Variants in ABCB11 observed in about 807,000 individuals in gnomAD.
The protein encoded by ABCB11 is ATP binding cassette subfamily B member 11, also known as bile salt export pump.
Under a neutral mutation model 148.0 loss-of-function variants are expected in ABCB11, and 95 were observed. That is an observed-to-expected ratio of 0.64 (90% confidence interval 0.54 to 0.76). The LOEUF (loss-of-function observed/expected upper bound fraction) is 0.76, where lower values mean the gene tolerates loss of function less well. Ranked by LOEUF, ABCB11 falls within the 30% of genes least tolerant of loss-of-function variation. ABCB11 has a pLI of 0.00. For missense variants in ABCB11, 1,523 were observed against 1,617.8 expected (o/e 0.94, Z 1.01); for synonymous variants, 591 against 555.4 (o/e 1.06, Z -0.90).
intron 5 of ABCB11, among the ~76,000 whole-genome samples, chr2:169,000,277 A>C (rs945644641): frequency 3.3e-5 from 5 of 152,088 alleles, no homozygotes; most frequent in African/African-American, 1.2e-4. Flanking sequence ...TTCTCTTAAC[A>C]GGATCTTTTA....
intron 5 of ABCB11, among the ~76,000 whole-genome samples, chr2:169,012,932 C>A (rs954346804): frequency 6.6e-6 from 1 of 151,900 alleles, no homozygotes; most frequent in Non-Finnish European, 1.5e-5. Context: ...AAATAGAACT[C>A]TTGGAGATGA....
rs145003664 is a variant in ABCB11, at chr2:168,939,563, A to G, written c.2611-3130T>C. ...AAGTTTTGAATTTATGAAGTCCAACATGTCTACTTTGTAGTTTTGAGTTTT... is the reference window on the plus strand; with the variant it reads ...AAGTTTTGAATTTATGAAGTCCAACGTGTCTACTTTGTAGTTTTGAGTTTT... On this transcript the variant is annotated intron_variant, in intron 21 of 27. Transcript: ENST00000650372. 1.1e-4 allele frequency among the ~76,000 whole-genome samples: 17 copies of G among 152,212 alleles called. No individual in the cohort carries two copies. In the East Asian group the frequency reaches 3.1e-3, roughly 28 times the overall value.
At chr2:168,983,783 CA>C (rs990704204) in intron 10 of ABCB11, among the ~76,000 whole-genome samples, 3 of 151,866 alleles carry the variant, frequency 2.0e-5, no homozygotes, top group African/African-American at 7.2e-5. Context: ...TTCTGGTATA[CA>C]AGGTTTTGAT....
At chr2:168,978,670 T>A (rs1574461092) in intron 11 of ABCB11, among the ~76,000 whole-genome samples, 1 of 144,082 alleles carries the variant, frequency 6.9e-6, no homozygotes, top group Non-Finnish European at 1.5e-5. Context: ...TTTTTTTTTT[T>A]AAAGAGAAAG....
In ABCB11 at chr2:168,996,620, G is replaced by T; in HGVS notation, c.477+15C>A. ...TCAGATATTGATCTATAAATTATACGGAGGAGCTACTAACTTGAATATATC... is the reference window on the plus strand; with the variant it reads ...TCAGATATTGATCTATAAATTATACTGAGGAGCTACTAACTTGAATATATC... On this transcript the variant is annotated intron_variant, in intron 6 of 27. Coordinates refer to ENST00000650372, the MANE Select transcript of ABCB11 (RefSeq NM_003742.4). 7.0e-7 allele frequency: 1 copy of T among 1,425,004 alleles called. No individual in the cohort carries two copies. The highest frequency in any genetic ancestry group is 1.4e-5 in the African/African-American group (1 of 69,612). 88.3% of individuals were successfully genotyped at this position (1,425,004 alleles called of 1,614,324 possible). A position where few individuals can be genotyped will look rare whatever the true frequency, so the allele number is the denominator to read the frequency against.
intron 25 of ABCB11, among the ~76,000 whole-genome samples, chr2:168,930,237 G>A (rs1691506411): frequency 6.6e-6 from 1 of 152,158 alleles, no homozygotes; most frequent in Admixed American, 6.5e-5. Context: ...TCAGCTTCTT[G>A]AACAAGGATT....
chr2:168,927,023 C>T (rs1389177382), intron 26 of ABCB11, 133 bp downstream of exon 26: 1 of 836,666 alleles, frequency 1.2e-6, no homozygotes, highest in African/African-American at 1.7e-5. Context: ...TGTTGGCATT[C>T]AAAAATTTTT....
chr2:168,977,329 A>G (rs976557956), intron 11 of ABCB11, among the ~76,000 whole-genome samples: 1 of 152,138 alleles, frequency 6.6e-6, no homozygotes, highest in Admixed American at 6.6e-5. Flanking sequence ...AAGACCAGGC[A>G]ACTAGTCAAC....
In ABCB11 at chr2:168,969,363, T is replaced by C. The variant is rs532302515; in HGVS notation, c.1998A>G (p.Glu666=). The C allele has an allele frequency of 2.5e-6, 4 of 1,612,002 alleles. No homozygotes were observed. Among genetic ancestry groups the C allele is most frequent in the Admixed American group, 1.7e-5 (1 of 59,778 alleles). ...AAAAGCACTTGCCCTTTATGTCCTC[T>C]TCATTAAGAGCTTGATTTCCCTGGC... The part of the protein sequence containing the change: ...LQSQGNQALN[E]EDIKDATEDD... The change falls in exon 16 of 28, where the codon GAA becomes GAG. Residue 666 remains glutamate, a synonymous_variant. Coordinates refer to ENST00000650372, the MANE Select transcript of ABCB11 (RefSeq NM_003742.4).
intron 5 of ABCB11, among the ~76,000 whole-genome samples, chr2:169,007,985 T>A (rs1456664833): frequency 6.6e-6 from 1 of 152,210 alleles, no homozygotes; most frequent in South Asian, 2.1e-4. Flanking sequence ...TATTTTGTTA[T>A]ATTATTTATT....
chr2:168,953,333 A>G (rs980203723), intron 19 of ABCB11, among the ~76,000 whole-genome samples: 7 of 151,372 alleles, frequency 4.6e-5, no homozygotes, highest in Non-Finnish European at 8.9e-5. Context: ...GCATTGCCCT[A>G]TCTTTCTTTA....
intron 23 of ABCB11, among the ~76,000 whole-genome samples, chr2:168,934,428 C>A (rs1691725403): frequency 6.6e-6 from 1 of 152,140 alleles, no homozygotes; most frequent in Non-Finnish European, 1.5e-5. Context: ...GTACCTCGTT[C>A]CCCAGTACCC....
intron 19 of ABCB11, among the ~76,000 whole-genome samples, chr2:168,952,690 T>G (rs914414245): frequency 2.3e-5 from 3 of 132,730 alleles, no homozygotes; most frequent in African/African-American, 8.8e-5. Flanking sequence ...TTTTTTTTTT[T>G]GTTTGTTTCT....
chr2:168,958,413 G>C (rs1045365567), intron 18 of ABCB11, among the ~76,000 whole-genome samples: 11 of 151,494 alleles, frequency 7.3e-5, no homozygotes, highest in Non-Finnish European at 1.3e-4. Flanking sequence ...TAATAAATAT[G>C]TTGGATCTTG....
chr2:168,957,931 A>C (rs781275873), intron 19 of ABCB11, 33 bp downstream of exon 19: 9 of 1,472,366 alleles, frequency 6.1e-6, no homozygotes, highest in Admixed American at 4.2e-5. Flanking sequence ...AAAAGGTATG[A>C]GAAGAAGAAA....
intron 11 of ABCB11, among the ~76,000 whole-genome samples, chr2:168,977,444 G>T (rs1309403262): frequency 1.3e-5 from 2 of 152,020 alleles, no homozygotes; most frequent in Non-Finnish European, 2.9e-5. Flanking sequence ...TTCAATTGTT[G>T]TCCTGAATTT....
intron 1 of ABCB11, among the ~76,000 whole-genome samples, chr2:169,029,264 CT>C (rs950725103): frequency 4.6e-5 from 5 of 108,204 alleles, no homozygotes; most frequent in Admixed American, 3.5e-4. Flanking sequence ...CTACAGTTTT[CT>C]TTTCTTTCTT....
intron 1 of ABCB11, among the ~76,000 whole-genome samples, chr2:169,018,658 C>T (rs1695438630): frequency 6.6e-6 from 1 of 152,056 alleles, no homozygotes; most frequent in South Asian, 2.1e-4. Context: ...AGAAGGAAGA[C>T]ATTTTCTAAA....
chr2:169,014,249 CT>C, intron 4 of ABCB11, 53 bp downstream of exon 4: 1 of 1,548,690 alleles, frequency 6.5e-7, no homozygotes, highest in Non-Finnish European at 8.9e-7. Flanking sequence ...CCCTCATGAT[CT>C]AAACAATTTA....
Sources: gnomAD v4.1 joint callset for allele counts (sites outside exome capture counted in the v4.1 genomes callset) on GRCh38, gnomAD v4.1.1 for gene constraint, MANE v1.5 for transcripts, NCBI Gene and HGNC (gene_info 2026-07-23, HGNC 2026-07-21) for gene names.